The following UBR3 variants were observed in gnomAD, a reference collection of about 807,000 sequenced individuals.
UBR3 encodes the protein ubiquitin protein ligase E3 component n-recognin 3, also known as E3 ubiquitin-protein ligase UBR3.
In UBR3, 85 loss-of-function variants were observed where a neutral mutation model predicts 243.2. That is an observed-to-expected ratio of 0.35 (90% CI 0.29 to 0.42). UBR3 has a LOEUF of 0.42. Among genes scored for constraint, UBR3 ranks in the 10% least tolerant of loss-of-function variants. The pLI is 1.00. For synonymous variants in UBR3, 748 were observed against 799.8 expected (o/e 0.94, Z 1.09); for missense variants, 1,686 against 2,300.8 (o/e 0.73, Z 5.47).
rs1372720183 is a variant in UBR3 at position 169,905,139 on chromosome 2, A to T, written c.1491A>T (p.Val497=). 2 of 1,519,554 alleles carry T rather than the reference A, an allele frequency of 1.3e-6. No individual in the cohort carries two copies. The highest frequency in any genetic ancestry group is 4.4e-5 in the Admixed American group (2 of 45,844). The allele number at this position is 1,519,554 out of a possible 1,614,324, so 94.1% of individuals were successfully genotyped here. ...LQDEENSLHV[V]VNCGEALLKN... ...ATGAAGAAAATAGTTTACATGTGGTAGTGAACTGTGGAGAAGCATTACTGA... is the reference window on the plus strand; with the variant it reads ...ATGAAGAAAATAGTTTACATGTGGTTGTGAACTGTGGAGAAGCATTACTGA... The change falls in exon 9 of 39, where the codon GTA becomes GTT. Residue 497 remains valine, a synonymous_variant. Transcript: ENST00000272793.
At chr2:170,045,448 A>T (rs2091060644) in intron 32 of UBR3, among the ~76,000 whole-genome samples, 1 of 152,126 alleles carries the variant, frequency 6.6e-6, no homozygotes, top group Non-Finnish European at 1.5e-5. Context: ...GAGGAGCTTC[A>T]CAAATCTGTT....
At chr2:169,830,496 G>A (rs1433387540) in intron 1 of UBR3, among the ~76,000 whole-genome samples, 1 of 152,164 alleles carries the variant, frequency 6.6e-6, no homozygotes, top group Non-Finnish European at 1.5e-5. Context: ...GAAGAGGAAA[G>A]TAGGGCAGAG....
At chr2:170,056,739 G>C (rs1414218963) in intron 33 of UBR3, among the ~76,000 whole-genome samples, 1 of 152,084 alleles carries the variant, frequency 6.6e-6, no homozygotes, top group Admixed American at 6.5e-5. Flanking sequence ...AACCTTCACT[G>C]TTATCATCAG....
Position 170,053,635 on chromosome 2 carries a change from T to C in UBR3, c.4661-1825T>C, listed in dbSNP as rs532904358. Among the ~76,000 whole-genome samples, 3 of 152,338 alleles carry C rather than the reference T, an allele frequency of 2.0e-5. No individual in the cohort carries two copies. In the East Asian group the frequency reaches 5.8e-4, roughly 29 times the overall value. On this transcript the variant is annotated intron_variant, in intron 32 of 38. Coordinates refer to ENST00000272793, the MANE Select transcript of UBR3 (RefSeq NM_172070.4). ...TTGGGGACCCCCAACACAGCCACTT[T>C]AGCTGGGATTATAGGTCTAGGCAAG...
intron 1 of UBR3, among the ~76,000 whole-genome samples, chr2:169,848,171 C>T (rs1463824953): frequency 6.6e-6 from 1 of 152,138 alleles, no homozygotes; most frequent in East Asian, 1.9e-4. Flanking sequence ...ACCTGATGTC[C>T]AATATCTTGA....
chr2:170,034,488 A>G (rs2090771831), intron 31 of UBR3, among the ~76,000 whole-genome samples: 1 of 152,008 alleles, frequency 6.6e-6, no homozygotes. Flanking sequence ...AAGTTTCCAC[A>G]ATGTCTTCTC....
Position 170,006,839 on chromosome 2 carries a change from G to T in UBR3, c.4030-151G>T, listed in dbSNP as rs555658601. On this transcript the variant is annotated intron_variant, in intron 27 of 38. Coordinates refer to ENST00000272793, the MANE Select transcript of UBR3 (RefSeq NM_172070.4). ...AGAAGTGATTTGGTGAACTTTAACA[G>T]TTAAATGAAGGATTTTGTTTATTTC... 2.8e-5 allele frequency: 19 copies of T among 683,612 alleles called. No individual in the cohort carries two copies. The East Asian group carries it at 4.9e-4, about 18-fold the overall frequency. 42.3% of individuals were successfully genotyped at this position (683,612 alleles called of 1,614,324 possible).
At chr2:169,870,551 C>T (rs2083401712) in intron 1 of UBR3, among the ~76,000 whole-genome samples, 1 of 151,862 alleles carries the variant, frequency 6.6e-6, no homozygotes. Flanking sequence ...TAGTATTTTT[C>T]ACAAATATGA....
At position 169,942,532 on chromosome 2, in the gene UBR3, T is replaced by C; in HGVS notation, c.2703T>C (p.Pro901=). ...GAAAATTTCCTGGAAATCCCTGGCC[T>C]CCATATAAGAAAAGGACATCACTCC... is the stretch of plus-strand genomic sequence containing the variant. The part of the protein sequence containing the change: ...QSGKFPGNPW[P]PYKKRTSLHP... The change falls in exon 20 of 39, where the codon CCT becomes CCC. Residue 901 remains proline (P), a synonymous_variant. Transcript: ENST00000272793. 1.3e-6 allele frequency: 2 copies of C among 1,550,078 alleles called. No individual in the cohort carries two copies. The highest frequency in any genetic ancestry group is 1.7e-6 in the Non-Finnish European group (2 of 1,146,640).
chr2:169,851,463 A>G (rs1049903668), intron 1 of UBR3, among the ~76,000 whole-genome samples: 1 of 152,104 alleles, frequency 6.6e-6, no homozygotes, highest in Admixed American at 6.6e-5. Context: ...CTAATTTTCT[A>G]TTTTGTGTTA....
At chr2:169,859,074 A>T (rs920056635) in intron 1 of UBR3, among the ~76,000 whole-genome samples, 1 of 135,198 alleles carries the variant, frequency 7.4e-6, no homozygotes, top group African/African-American at 2.8e-5. Context: ...CATGTGCCTC[A>T]CCATGGCTTT....
chr2:170,034,181 T>C (rs1441788729), intron 31 of UBR3, among the ~76,000 whole-genome samples: 5 of 151,976 alleles, frequency 3.3e-5, no homozygotes, highest in African/African-American at 1.2e-4. Flanking sequence ...ATTGACATAC[T>C]ATAATCACCC....
chr2:169,949,688 A>G lies in UBR3; in HGVS notation c.3168A>G (p.Glu1056=). The G allele has an allele frequency of 6.4e-7, 1 of 1,551,578 alleles. No individual in the cohort carries two copies. The highest frequency in any genetic ancestry group is 8.7e-7 in the Non-Finnish European group (1 of 1,146,728). The stretch of plus-strand genomic sequence containing the variant: ...AAATCATCAATCGCAGTAGCAGTGA[A>G]GCAAATCAGGTGGTTCGTCCCAAAA... ...FQEIINRSSS[E]ANQVVRPKTS... Residue 1056 remains glutamate, a synonymous_variant, in exon 23 of 39, where the codon GAA becomes GAG. Coordinates refer to ENST00000272793, the MANE Select transcript of UBR3 (RefSeq NM_172070.4).
intron 5 of UBR3, among the ~76,000 whole-genome samples, chr2:169,879,876 T>C (rs879914872): frequency 2.3e-4 from 35 of 152,226 alleles, no homozygotes; most frequent in African/African-American, 8.2e-4. Context: ...AATTTTCTGA[T>C]ATTTAAAATA....
intron 3 of UBR3, among the ~76,000 whole-genome samples, chr2:169,877,095 G>A (rs1044646923): frequency 1.3e-5 from 2 of 152,128 alleles, no homozygotes; most frequent in Admixed American, 6.5e-5. Flanking sequence ...CTGCATGCTT[G>A]GTATTACGAG....
At chr2:169,905,910 A>G (rs1453568164) in intron 9 of UBR3, 121 bp from the exon 10 acceptor site, 2 of 1,072,652 alleles carry the variant, frequency 1.9e-6, no homozygotes, top group Non-Finnish European at 2.6e-6. Context: ...TTCTATATGT[A>G]CTGTGTCAGT....
chr2:170,048,038 T>C (rs1326664761), intron 32 of UBR3, among the ~76,000 whole-genome samples: 4 of 152,222 alleles, frequency 2.6e-5, no homozygotes, highest in Non-Finnish European at 4.4e-5. Context: ...ACAGATGTTA[T>C]TAAAGAATGA....
In UBR3 at chr2:170,081,882, T is replaced by A; in HGVS notation, c.*39T>A. The A allele has an allele frequency of 7.5e-7, 1 of 1,339,052 alleles. No individual in the cohort carries two copies. The highest frequency in any genetic ancestry group is 1.0e-6 in the Non-Finnish European group (1 of 987,212). The allele number at this position is 1,339,052 out of a possible 1,614,324, so 82.9% of individuals were successfully genotyped here. On this transcript the variant is annotated 3_prime_UTR_variant, in exon 39 of 39. Transcript: ENST00000272793. ...CATTGCATCGTATCATCATTTTCGCTACGAATTTATTTTTCAACAATAAGC... is the reference window on the plus strand; with the variant it reads ...CATTGCATCGTATCATCATTTTCGCAACGAATTTATTTTTCAACAATAAGC...
At chr2:170,033,400 A>C (rs895364269) in intron 31 of UBR3, among the ~76,000 whole-genome samples, 5 of 152,076 alleles carry the variant, frequency 3.3e-5, no homozygotes, top group African/African-American at 1.2e-4. Context: ...GAGGAACCCA[A>C]GTTTTAGAAA....
Sources: allele counts gnomAD v4.1 joint callset (sites outside exome capture counted in the v4.1 genomes callset), GRCh38; gene constraint gnomAD v4.1.1; transcripts MANE v1.5; gene names NCBI Gene and HGNC (gene_info 2026-07-23, HGNC 2026-07-21).